The following FBN3 variants were observed in gnomAD, a reference collection of about 807,000 sequenced individuals.
FBN3 encodes the protein fibrillin-3.
In FBN3, 234 loss-of-function variants were observed where a neutral mutation model predicts 330.1. The ratio of observed to expected loss-of-function variants is 0.71; its 90% confidence interval spans 0.64 to 0.79. The LOEUF (loss-of-function observed/expected upper bound fraction) is 0.79, where lower values mean the gene tolerates loss of function less well. Ranked by LOEUF, FBN3 falls within the 30% of genes least tolerant of loss-of-function variation. The pLI is 0.00. For missense variants in FBN3, 3,606 were observed against 3,886.9 expected, an observed-to-expected ratio of 0.93 and a Z score of 1.92; for synonymous variants, 1,458 against 1,517.3, an observed-to-expected ratio of 0.96 and a Z score of 0.91.
intron 1 of FBN3, chr19:8,147,792 G>A (rs901779796): frequency 3.6e-5 from 11 of 306,472 alleles, no homozygotes; most frequent in East Asian, 5.4e-5. Context: ...GGGGCCAGGC[G>A]TTGCAGGAGT....
In FBN3 at chr19:8,146,217, T is replaced by C; in HGVS notation, c.259A>G (p.Arg87Gly). ...GRSQCVVPIC[R>G]RACGEGFCSQ... Reference sequence around the variant, plus strand: ...CAGAAGCCTTCACCGCAGGCGCGCCTACAGATGGCTGGATGAGTGCAGCGG... The same window carrying C: ...CAGAAGCCTTCACCGCAGGCGCGCCCACAGATGGCTGGATGAGTGCAGCGG... Residue 87 changes from arginine to glycine, a missense_variant, in exon 4 of 64, where the codon AGG becomes GGG. Coordinates refer to ENST00000600128, the MANE Select transcript of FBN3 (RefSeq NM_032447.5). 1 of 1,592,690 alleles carries C rather than the reference T, an allele frequency of 6.3e-7. No individual in the cohort carries two copies. Among genetic ancestry groups the C allele is most frequent in the African/African-American group, 1.3e-5 (1 of 74,880 alleles).
At chr19:8,085,338 G>A in intron 56 of FBN3, 25 bp downstream of exon 56, 1 of 1,548,366 alleles carries the variant, frequency 6.5e-7, no homozygotes, top group African/African-American at 1.4e-5. Context: ...GCCTCCCTGG[G>A]GGTCCTGAGG....
intron 1 of FBN3, among the ~76,000 whole-genome samples, chr19:8,148,455 A>AG (rs150498594): frequency 0.06 from 9,088 of 152,314 alleles, 342 homozygotes; most frequent in Non-Finnish European, 0.092. Flanking sequence ...TGAGGGGCTA[A>AG]GCCGGAGCTT....
At chr19:8,091,703 A>C in intron 47 of FBN3, 113 bp from the exon 48 acceptor site, 1 of 1,248,206 alleles carries the variant, frequency 8.0e-7, no homozygotes, top group Non-Finnish European at 1.1e-6. Context: ...CAGGGGCTGC[A>C]GTGGGGCTGG....
chr19:8,144,290 G>A (rs1266133499), intron 6 of FBN3, among the ~76,000 whole-genome samples: 2 of 152,014 alleles, frequency 1.3e-5, no homozygotes, highest in East Asian at 1.9e-4. Context: ...CCAGCTACTC[G>A]GGAGGCTGAA....
At position 8,073,187 on chromosome 19, in the gene FBN3, G is replaced by A. The variant is rs1367840941; in HGVS notation, c.7813C>T (p.Leu2605Phe). 3.1e-6 allele frequency: 5 copies of A among 1,614,014 alleles called. No homozygotes were observed. Among genetic ancestry groups the A allele is most frequent in the Non-Finnish European group, 4.2e-6 (5 of 1,179,970 alleles). Residue 2605 changes from leucine (L) to phenylalanine (F), a missense_variant, in exon 62 of 64, where the codon CTC (leucine) becomes TTC (phenylalanine). Physicochemically the swap from Leu to Phe is conservative, Grantham distance 22. Transcript: ENST00000600128. ...CPSGFDFDQA[L>F]GGCQEVDECA... ...TCATCCACCTCCTGGCAGCCCCCGA[G>A]GGCCTGATCAAAGTCAAAGCCAGAG... is the stretch of plus-strand genomic sequence containing the variant.
intron 59 of FBN3, among the ~76,000 whole-genome samples, chr19:8,079,436 A>G (rs773810794): frequency 5.3e-5 from 8 of 151,252 alleles, no homozygotes; most frequent in East Asian, 1.9e-4. Flanking sequence ...CAAACAAACA[A>G]ACAGACAGAC....
At position 8,131,135 on chromosome 19, in the gene FBN3, C is replaced by T. The variant is rs866647156; in HGVS notation, c.2044+100G>A. 1.3e-5 allele frequency: 15 copies of T among 1,153,180 alleles called. No homozygotes were observed. The highest frequency in any genetic ancestry group is 2.8e-4 in the Middle Eastern group (1 of 3,514). The allele number at this position is 1,153,180 out of a possible 1,614,324, so 71.4% of individuals were successfully genotyped here. ...CCGTCTGGTCTGGGGCACTTTGTTACGGGAACCCCGGGCCAACTCCTACAG... is the reference window on the plus strand; with the variant it reads ...CCGTCTGGTCTGGGGCACTTTGTTATGGGAACCCCGGGCCAACTCCTACAG... On this transcript the variant is annotated intron_variant, in intron 16 of 63. Transcript: ENST00000600128. The surrounding 1 kb of genome is among the most constrained non-coding windows in gnomAD (Gnocchi z 4.5).
At chr19:8,103,725 G>A (rs752276950) in intron 38 of FBN3, 38 bp from the exon 39 acceptor site, 4 of 1,601,918 alleles carry the variant, frequency 2.5e-6, no homozygotes, top group African/African-American at 2.7e-5. Flanking sequence ...ACAGTGGGCA[G>A]CGTCCAGGAA....
At chr19:8,081,559 C>G in intron 57 of FBN3, 79 bp from the exon 58 acceptor site, 1 of 1,424,480 alleles carries the variant, frequency 7.0e-7, no homozygotes, top group Non-Finnish European at 9.4e-7. Flanking sequence ...AGGTCTCCAC[C>G]AGACCCCGAC....
chr19:8,138,700 A>G, intron 8 of FBN3, 136 bp from the exon 9 acceptor site: 1 of 909,692 alleles, frequency 1.1e-6, no homozygotes, highest in Non-Finnish European at 1.6e-6. Flanking sequence ...TCTCCATAAA[A>G]TGGGGATGCT....
chr19:8,131,240 C>A lies in FBN3; in HGVS notation c.2039G>T (p.Gly680Val). 1 of 1,609,628 alleles carries A rather than the reference C, an allele frequency of 6.2e-7. No homozygotes were observed. Among genetic ancestry groups the A allele is most frequent in the Non-Finnish European group, 8.5e-7 (1 of 1,178,896 alleles). Reference sequence around the variant, plus strand: ...AGGGGCTGGGCTCCACTTACCTCGACCATCCGTGGTAATGCCAAGCCCACT... The same window carrying A: ...AGGGGCTGGGCTCCACTTACCTCGAACATCCGTGGTAATGCCAAGCCCACT... The part of the protein sequence containing the change: ...CSSGLGITTD[G>V]RDINECALDP... Residue 680 changes from glycine (G) to valine (V), a missense_variant, in exon 16 of 64, where the codon GGT becomes GTT. By Grantham distance (109) the Gly-to-Val change is moderately radical. Transcript: ENST00000600128. This position sits in a 1 kb window ranked among gnomAD's most constrained non-coding sequence, Gnocchi z 4.5.
In FBN3 at chr19:8,141,835, A is replaced by G; in HGVS notation, c.747T>C (p.Asp249=). The G allele has an allele frequency of 6.2e-7, 1 of 1,614,130 alleles. No homozygotes were observed. Among genetic ancestry groups the G allele is most frequent in the Non-Finnish European group, 8.5e-7 (1 of 1,179,990 alleles). Residue 249 remains aspartate (D), a synonymous_variant, in exon 8 of 64, where the codon GAT becomes GAC. Coordinates refer to ENST00000600128, the MANE Select transcript of FBN3 (RefSeq NM_032447.5). The stretch of plus-strand genomic sequence containing the variant: ...ACAGGCCTGGCACAGCCTGGCACTC[A>G]TCCACATCTGCAAGGACAAAGCCCG... ...NIHTGACQDV[D]ECQAVPGLCQ...
chr19:8,142,842 TC>T (rs2083445339), intron 6 of FBN3, among the ~76,000 whole-genome samples: 1 of 139,018 alleles, frequency 7.2e-6, no homozygotes, highest in African/African-American at 2.7e-5. Flanking sequence ...AAAACGTAAT[TC>T]CTGGCAGCTC....
rs373566330 is a variant in FBN3 at position 8,095,957 on chromosome 19, G to A, written c.5656+7C>T. ...TTGTGGCCAGCCTGCCACCTGAGCC[G>A]ACTCACCCACACAATCCCCATTGTG... On this transcript the variant is annotated splice_region_variant and intron_variant, in intron 45 of 63. Coordinates refer to ENST00000600128, the MANE Select transcript of FBN3 (RefSeq NM_032447.5). The A allele has an allele frequency of 5.2e-5, 82 of 1,590,532 alleles. No individual in the cohort carries two copies. Among genetic ancestry groups the A allele is most frequent in the East Asian group, 2.2e-4 (10 of 44,718 alleles).
rs139482753 is a variant in FBN3, at chr19:8,136,403, G to A, written c.1330C>T (p.Arg444Cys). Residue 444 changes from arginine to cysteine, a missense_variant, in exon 11 of 64, where the codon CGC (arginine) becomes TGC (cysteine). By Grantham distance (180) the Arg-to-Cys change is radical. Transcript: ENST00000600128. ...ECNVGYTQDVRGECIDVDECT... is the reference protein window; with the variant it reads ...ECNVGYTQDVCGECIDVDECT... ...CGCGGCTCACCAATGCACTCGCCGCGCACGTCCTGGGTGTAGCCCACGTTA... is the reference window on the plus strand; with the variant it reads ...CGCGGCTCACCAATGCACTCGCCGCACACGTCCTGGGTGTAGCCCACGTTA... 1.3e-4 allele frequency: 202 copies of A among 1,613,840 alleles called. No homozygotes were observed. Among genetic ancestry groups the A allele is most frequent in the Non-Finnish European group, 1.6e-4 (188 of 1,179,918 alleles).
intron 31 of FBN3, 63 bp downstream of exon 31, chr19:8,111,914 C>A (rs2082595270): frequency 1.9e-6 from 1 of 536,768 alleles, no homozygotes; most frequent in African/African-American, 2.2e-5. Flanking sequence ...CCTTGCCCCC[C>A]ACCGCCTTGC....
chr19:8,085,723 G>A (rs931262487), intron 55 of FBN3, among the ~76,000 whole-genome samples, 154 bp from the exon 56 acceptor site: 2 of 152,092 alleles, frequency 1.3e-5, no homozygotes, highest in African/African-American at 4.8e-5. Flanking sequence ...GCCCTAGTGG[G>A]TCACCGGCTG....
At chr19:8,083,011 T>C (rs62124731) in intron 57 of FBN3, among the ~76,000 whole-genome samples, 46,573 of 151,832 alleles carry the variant, frequency 0.31, 7,495 homozygotes, top group Admixed American at 0.39. Context: ...GGTCTTGCTA[T>C]GTTGCTATGG....
Sources: allele counts gnomAD v4.1 joint callset (sites outside exome capture counted in the v4.1 genomes callset), GRCh38; gene constraint gnomAD v4.1.1; non-coding constraint Gnocchi (gnomAD v3.1); transcripts MANE v1.5; gene names NCBI Gene and HGNC (gene_info 2026-07-23, HGNC 2026-07-21).